Variants in FRMD4A observed in about 807,000 individuals in gnomAD.
FRMD4A encodes FERM domain-containing protein 4A.
A neutral mutation model predicts 129.1 loss-of-function variants in FRMD4A; 29 were observed. That is an observed-to-expected ratio of 0.22 (90% CI 0.17 to 0.31). FRMD4A has a LOEUF of 0.31. Ranked by LOEUF, FRMD4A falls within the 10% of genes least tolerant of loss-of-function variation. FRMD4A has a pLI of 1.00. For missense variants in FRMD4A, 1,272 were observed against 1,375.8 expected, an observed-to-expected ratio of 0.92 and a Z score of 1.19; for synonymous variants, 634 against 571.6, an observed-to-expected ratio of 1.11 and a Z score of -1.56.
intron 2 of FRMD4A, among the ~76,000 whole-genome samples, chr10:14,147,495 T>C (rs945390911): frequency 4.6e-5 from 7 of 152,166 alleles, no homozygotes; most frequent in African/African-American, 1.4e-4. Flanking sequence ...GAAATAATTA[T>C]ACAACTCGCC....
chr10:13,879,667 T>C, intron 2 of FRMD4A, among the ~76,000 whole-genome samples: 1 of 105,224 alleles, frequency 9.5e-6, no homozygotes, highest in South Asian at 4.7e-4. Flanking sequence ...TTCCTTCCTC[T>C]TCCTCCTCCT....
chr10:13,777,608 C>T (rs2092626661), intron 6 of FRMD4A, among the ~76,000 whole-genome samples: 1 of 152,072 alleles, frequency 6.6e-6, no homozygotes, highest in African/African-American at 2.4e-5. Context: ...ATCACCTCCA[C>T]TCAGGGCATC....
intron 2 of FRMD4A, among the ~76,000 whole-genome samples, chr10:13,992,159 G>A (rs948675688): frequency 4.6e-5 from 7 of 152,242 alleles, no homozygotes; most frequent in African/African-American, 1.7e-4. Context: ...TTCTCAGCAA[G>A]ATGATACTAA....
chr10:13,987,893 A>G (rs2095587609), intron 2 of FRMD4A, among the ~76,000 whole-genome samples: 1 of 152,236 alleles, frequency 6.6e-6, no homozygotes. Flanking sequence ...ACTAGGTCAC[A>G]GCTGTAAAGG....
At chr10:13,802,003 C>CAACA in intron 4 of FRMD4A, among the ~76,000 whole-genome samples, 1 of 109,512 alleles carries the variant, frequency 9.1e-6, no homozygotes, top group Admixed American at 1.1e-4. Flanking sequence ...AATAATAATG[C>CAACA]AAAAAAAAAA....
At chr10:14,282,146 G>A (rs999070598) in intron 2 of FRMD4A, among the ~76,000 whole-genome samples, 3 of 152,132 alleles carry the variant, frequency 2.0e-5, no homozygotes, top group African/African-American at 7.2e-5. Context: ...ACAGTATGGG[G>A]GAAACTGCAG....
At chr10:13,959,183 T>C (rs553963160) in intron 2 of FRMD4A, among the ~76,000 whole-genome samples, 3 of 152,096 alleles carry the variant, frequency 2.0e-5, no homozygotes, top group Non-Finnish European at 4.4e-5. Flanking sequence ...ATTCAAAAGC[T>C]GTGAGTGGGC....
In FRMD4A at chr10:13,675,036, C is replaced by A; in HGVS notation, c.1126G>T (p.Glu376Ter). The change falls in exon 16 of 25, where the codon GAA becomes TAA. Residue 376 changes from glutamate (E) to a stop codon, truncating the protein, a stop_gained. Transcript: ENST00000357447. LOFTEE classifies it high-confidence loss of function. ...TTGGCCGACTGCGAGCTATCTGATT[C>A]CTGAGAACCTGTCGATAAACAGTGG... Reference protein sequence around the residue: ...SGSLLSSGSQESDSSQSAKKD... With the variant: ...SGSLLSSGSQ The A allele has an allele frequency of 6.2e-7, 1 of 1,612,830 alleles. No individual in the cohort carries two copies. The highest frequency in any genetic ancestry group is 8.5e-7 in the Non-Finnish European group (1 of 1,179,976).
At chr10:14,109,838 G>A (rs1397333250) in intron 2 of FRMD4A, among the ~76,000 whole-genome samples, 2 of 151,836 alleles carry the variant, frequency 1.3e-5, no homozygotes, top group African/African-American at 4.8e-5. Flanking sequence ...CGGGTGTGGT[G>A]GCGGGCGCCT....
At chr10:14,158,567 A>C (rs1337680008) in intron 2 of FRMD4A, among the ~76,000 whole-genome samples, 1 of 152,036 alleles carries the variant, frequency 6.6e-6, no homozygotes, top group African/African-American at 2.4e-5. Context: ...AGCAATAGTC[A>C]TGCCACAGCT....
At chr10:13,672,059 T>A (rs1004433436) in intron 16 of FRMD4A, among the ~76,000 whole-genome samples, 1 of 152,240 alleles carries the variant, frequency 6.6e-6, no homozygotes, top group Admixed American at 6.5e-5. Context: ...TGTGTGCACA[T>A]GTGTACGCAT....
intron 14 of FRMD4A, among the ~76,000 whole-genome samples, chr10:13,700,597 G>A (rs1040288825): frequency 2.0e-5 from 3 of 152,176 alleles, no homozygotes; most frequent in African/African-American, 7.2e-5. Flanking sequence ...ATGAATGGGA[G>A]TGGCTTGTGG....
intron 2 of FRMD4A, among the ~76,000 whole-genome samples, chr10:13,997,549 T>C (rs1447990085): frequency 2.6e-5 from 4 of 152,168 alleles, no homozygotes; most frequent in Non-Finnish European, 5.9e-5. Flanking sequence ...AGGTTCAGGA[T>C]GTCTGAGGTG....
chr10:14,324,123 G>A lies in FRMD4A; in HGVS notation c.45+5935C>T, dbSNP rs959581340. On this transcript the variant is annotated intron_variant, in intron 2 of 24. Transcript: ENST00000357447. Reference sequence around the variant, plus strand: ...CTAGCAGTTTGAGTTAGTCTCTGTCGATTAGACTAACAGAAACAGGTCCAG... The same window carrying A: ...CTAGCAGTTTGAGTTAGTCTCTGTCAATTAGACTAACAGAAACAGGTCCAG... 5.9e-5 allele frequency among the ~76,000 whole-genome samples: 9 copies of A among 152,220 alleles called. 1 individual carries two copies. The highest frequency in any genetic ancestry group is 2.2e-4 in the African/African-American group (9 of 41,526).
At chr10:13,904,941 G>A (rs909662363) in intron 2 of FRMD4A, among the ~76,000 whole-genome samples, 2 of 136,128 alleles carry the variant, frequency 1.5e-5, no homozygotes, top group Non-Finnish European at 1.6e-5. Flanking sequence ...TGCAGTGAGC[G>A]GAGATTGTGC....
chr10:13,860,592 C>T (rs577684392), intron 2 of FRMD4A, among the ~76,000 whole-genome samples: 7 of 152,206 alleles, frequency 4.6e-5, no homozygotes, highest in East Asian at 1.9e-4. Context: ...AGTGGCTAAC[C>T]GGCCGCTTTA....
chr10:13,810,787 G>C, intron 4 of FRMD4A, 27 bp downstream of exon 4: 1 of 1,214,844 alleles, frequency 8.2e-7, no homozygotes, highest in Non-Finnish European at 1.2e-6. Context: ...CTCCCTTCGG[G>C]CTGTGAGGGC....
chr10:14,160,497 A>T (rs1293772783), intron 2 of FRMD4A, among the ~76,000 whole-genome samples: 1 of 152,214 alleles, frequency 6.6e-6, no homozygotes, highest in East Asian at 1.9e-4. Flanking sequence ...CAGAGTGGAG[A>T]GACACCTGTT....
At chr10:13,715,402 A>G (rs879299389) in intron 12 of FRMD4A, among the ~76,000 whole-genome samples, 15 of 152,346 alleles carry the variant, frequency 9.8e-5, no homozygotes, top group African/African-American at 3.4e-4. Flanking sequence ...ATGGGAGACA[A>G]TATAGAATAG....
Sources: allele counts gnomAD v4.1 joint callset (sites outside exome capture counted in the v4.1 genomes callset), GRCh38; gene constraint gnomAD v4.1.1; transcripts MANE v1.5; gene names NCBI Gene and HGNC (gene_info 2026-07-23, HGNC 2026-07-21).